HMGN5: variants seen among roughly 807,000 people sequenced by gnomAD.
HMGN5 encodes high mobility group nucleosome binding domain 5.
A neutral mutation model predicts 9.5 loss-of-function variants in HMGN5; 4 were observed. The observed-to-expected ratio is 0.42, with a 90% CI of 0.21 to 0.96. The LOEUF (loss-of-function observed/expected upper bound fraction) is 0.96. Ranked by LOEUF, HMGN5 falls within the 40% of genes least tolerant of loss-of-function variation. The pLI is 0.30. For synonymous variants in HMGN5, 55 were observed against 57.1 expected (o/e 0.96, Z 0.16); for missense variants, 192 against 187.5 (o/e 1.02, Z -0.14).
intron 1 of HMGN5, among the ~76,000 whole-genome samples, chrX:81,153,427 G>A (rs1054659823): frequency 5.0e-5 from 5 of 100,209 alleles, no homozygotes; most frequent in Non-Finnish European, 1.0e-4. Context: ...TGTGGCCCAC[G>A]CCTGTAATCC....
intron 1 of HMGN5, among the ~76,000 whole-genome samples, chrX:81,155,102 T>TATATATATATATATATATATATAC (rs1407923805): frequency 5.5e-5 from 5 of 91,056 alleles, no homozygotes; most frequent in African/African-American, 2.0e-4. Context: ...TATATATATA[T>TATATATATATATATATATATATAC]ACACACACAC....
chrX:81,133,641 C>T (rs954423274), intron 1 of HMGN5, among the ~76,000 whole-genome samples: 2 of 110,777 alleles, frequency 1.8e-5, no homozygotes, highest in Non-Finnish European at 3.8e-5. Flanking sequence ...CTCACTTATA[C>T]GTGGGAGCTA....
intron 1 of HMGN5, among the ~76,000 whole-genome samples, chrX:81,154,102 C>T (rs2075376526): frequency 9.0e-6 from 1 of 110,636 alleles, no homozygotes; most frequent in Non-Finnish European, 1.9e-5. Flanking sequence ...AATCCTATTA[C>T]CTCACTTTAA....
chrX:81,123,971 G>T (rs1195382941), intron 1 of HMGN5, among the ~76,000 whole-genome samples: 1 of 111,709 alleles, frequency 9.0e-6, no homozygotes, highest in African/African-American at 3.3e-5. Flanking sequence ...ACTTGTTCAG[G>T]GAACATAGTG....
intron 1 of HMGN5, among the ~76,000 whole-genome samples, chrX:81,146,389 G>A (rs1450646541): frequency 1.8e-5 from 2 of 111,671 alleles, no homozygotes; most frequent in Admixed American, 9.6e-5. Context: ...ACCAGCTCCT[G>A]AATGACTACT....
intron 3 of HMGN5, 127 bp from the exon 4 acceptor site, chrX:81,118,886 G>C (rs902497207): frequency 8.8e-6 from 4 of 452,837 alleles, no homozygotes; most frequent in Non-Finnish European, 1.1e-5. Context: ...TGTGAATTTG[G>C]TTAGAAAATA....
At chrX:81,126,689 T>C (rs1296817094) in intron 1 of HMGN5, among the ~76,000 whole-genome samples, 1 of 111,663 alleles carries the variant, frequency 9.0e-6, no homozygotes, top group Non-Finnish European at 1.9e-5. Flanking sequence ...TTTCAAACTT[T>C]CTTACTTTAT....
chrX:81,158,491 G>T (rs1392602400), intron 1 of HMGN5, among the ~76,000 whole-genome samples: 1 of 112,127 alleles, frequency 8.9e-6, no homozygotes, highest in East Asian at 2.8e-4. Flanking sequence ...ATCTGTTCAT[G>T]TCCTTTGCCC....
intron 1 of HMGN5, among the ~76,000 whole-genome samples, chrX:81,198,893 GA>G (rs1399730189): frequency 2.7e-5 from 3 of 111,815 alleles, no homozygotes; most frequent in African/African-American, 9.8e-5. Context: ...TCAGGCAAGA[GA>G]AAGAAAGAAT....
chrX:81,194,348 G>A (rs1481256367), intron 1 of HMGN5, among the ~76,000 whole-genome samples: 1 of 110,644 alleles, frequency 9.0e-6, no homozygotes, highest in Non-Finnish European at 1.9e-5. Context: ...TTTAAAAAAA[G>A]GCTAGCCTCA....
chrX:81,127,562 AT>A (rs5902813), intron 1 of HMGN5, among the ~76,000 whole-genome samples: 18,017 of 108,247 alleles, frequency 0.17, 1,573 homozygotes, highest in East Asian at 0.74. Flanking sequence ...TTATGCTAGG[AT>A]TTTTTTTTTC....
intron 1 of HMGN5, among the ~76,000 whole-genome samples, chrX:81,132,998 A>G (rs2075301920): frequency 8.9e-6 from 1 of 112,023 alleles, no homozygotes; most frequent in Non-Finnish European, 1.9e-5. Context: ...AGGAACTTAA[A>G]TAAATTTAGA....
intron 1 of HMGN5, among the ~76,000 whole-genome samples, chrX:81,187,772 T>G (rs1198614880): frequency 9.0e-6 from 1 of 111,614 alleles, no homozygotes; most frequent in Non-Finnish European, 1.9e-5. Context: ...GTGTTTCCTC[T>G]TTCTTCTTTC....
intron 1 of HMGN5, among the ~76,000 whole-genome samples, chrX:81,186,620 C>A (rs2075478178): frequency 9.0e-6 from 1 of 111,047 alleles, no homozygotes; most frequent in Non-Finnish European, 1.9e-5. Flanking sequence ...GATATCATTT[C>A]TTTGAATAAT....
intron 1 of HMGN5, among the ~76,000 whole-genome samples, chrX:81,162,477 T>C (rs941890202): frequency 2.0e-4 from 21 of 107,083 alleles, no homozygotes; most frequent in African/African-American, 6.8e-4. Context: ...TAATAGAGAG[T>C]AGATCTCAAG....
intron 1 of HMGN5, among the ~76,000 whole-genome samples, chrX:81,182,530 G>T (rs966953417): frequency 9.0e-6 from 1 of 111,411 alleles, no homozygotes; most frequent in Non-Finnish European, 1.9e-5. Context: ...TGTGATATCT[G>T]GTTGTTTAAA....
intron 1 of HMGN5, among the ~76,000 whole-genome samples, chrX:81,173,425 G>T (rs998144004): frequency 9.0e-6 from 1 of 111,504 alleles, no homozygotes; most frequent in South Asian, 3.7e-4. Context: ...GGTAGGAGGA[G>T]CCATGTAGAT....
At chrX:81,159,425 C>G (rs994318939) in intron 1 of HMGN5, among the ~76,000 whole-genome samples, 1 of 111,279 alleles carries the variant, frequency 9.0e-6, no homozygotes, top group African/African-American at 3.3e-5. Flanking sequence ...GAAAAGTCTG[C>G]ACAAATGCTG....
Position 81,121,657 on chromosome X carries a change from C to T in HMGN5, c.-108G>A, listed in dbSNP as rs1946208657. On this transcript the variant is annotated 5_prime_UTR_variant, in exon 2 of 7. In the 5' UTR this introduces an upstream ATG that the reference lacks. Coordinates refer to ENST00000358130, the MANE Select transcript of HMGN5 (RefSeq NM_030763.3). ...AGTTTTCAATGAACTAACTGCAGCA[C>T]GACCTGTACTCTCCTCTGGAAAAAA... is the stretch of plus-strand genomic sequence containing the variant. 3 of 524,800 alleles carry T rather than the reference C, an allele frequency of 5.7e-6. No homozygotes were observed. The highest frequency in any genetic ancestry group is 3.6e-5 in the South Asian group (1 of 27,558). 43.2% of individuals were successfully genotyped at this position (524,800 alleles called of 1,213,427 possible).
Sources: allele counts gnomAD v4.1 joint callset (sites outside exome capture counted in the v4.1 genomes callset), GRCh38; gene constraint gnomAD v4.1.1; transcripts MANE v1.5; gene names NCBI Gene and HGNC (gene_info 2026-07-23, HGNC 2026-07-21).